Variants in GJA5 observed in about 807,000 individuals in gnomAD.
GJA5 encodes the protein gap junction alpha-5 protein.
Under a neutral mutation model 7.9 loss-of-function variants are expected in GJA5, and 3 were observed. The ratio of observed to expected loss-of-function variants is 0.38; its 90% CI spans 0.17 to 0.99. The LOEUF (loss-of-function observed/expected upper bound fraction) is 0.99, where lower values mean the gene tolerates loss of function less well. Among genes scored for constraint, GJA5 ranks in the 50% least tolerant of loss-of-function variants. The pLI, the probability that GJA5 is intolerant of heterozygous loss-of-function variation, is 0.38. For synonymous variants in GJA5, 193 were observed against 181.0 expected (o/e 1.07, Z -0.53); for missense variants, 390 against 457.9 (o/e 0.85, Z 1.35).
In GJA5 at chr1:147,756,495, A is replaced by G. The variant is rs1553226422; in HGVS notation, c.*1667T>C. ...CACCCAACAATAGCATCCAAGTGTC[A>G]GCAGAGGGCCCAGAGATGGGCAGGT... On this transcript the variant is annotated 3_prime_UTR_variant, in exon 2 of 2. Transcript: ENST00000579774. 1 of 152,250 alleles carries G rather than the reference A, an allele frequency of 6.6e-6. No homozygotes were observed. The highest frequency in any genetic ancestry group is 2.4e-5 in the African/African-American group (1 of 41,468). The allele number at this position is 152,250 out of a possible 1,614,324, so 9.4% of individuals were successfully genotyped here. A position where few individuals can be genotyped will look rare whatever the true frequency, so the allele number is the denominator to read the frequency against.
chr1:147,772,396 C>A (rs587653676), intron 1 of GJA5, among the ~76,000 whole-genome samples: 4 of 152,306 alleles, frequency 2.6e-5, no homozygotes, highest in South Asian at 4.2e-4. Flanking sequence ...CAGCCTTACA[C>A]ACCGTTACTG....
Position 147,758,234 on chromosome 1 carries a change from A to T in GJA5, c.1005T>A (p.His335Gln). ...NGVSPGHRLP[H>Q]GYHSDKRRLS... ...GACGTCGCTTGTCACTATGATAGCC[A>T]TGGGGAAGGCGGTGACCTGGTGAGA... The change falls in exon 2 of 2, where the codon CAT becomes CAA. Residue 335 changes from histidine (H) to glutamine (Q), a missense_variant. Physicochemically the swap from His to Gln is conservative, Grantham distance 24. Transcript: ENST00000579774. 3.7e-6 allele frequency: 6 copies of T among 1,614,110 alleles called. No individual in the cohort carries two copies. Among genetic ancestry groups the T allele is most frequent in the Non-Finnish European group, 5.1e-6 (6 of 1,180,014 alleles).
rs1243557930 is a variant in GJA5 at position 147,757,956 on chromosome 1, T to G, written c.*206A>C. ...ACTGGGTAGAGGGTGGGGAGGGAAC[T>G]GCAGTCTGGGTGGGTTGTCACCTCT... is the stretch of plus-strand genomic sequence containing the variant. On this transcript the variant is annotated 3_prime_UTR_variant, in exon 2 of 2. Transcript: ENST00000579774. 1.7e-6 allele frequency: 1 copy of G among 596,984 alleles called. No individual in the cohort carries two copies. The highest frequency in any genetic ancestry group is 2.8e-5 in the East Asian group (1 of 35,530). 37.0% of individuals were successfully genotyped at this position (596,984 alleles called of 1,614,324 possible). A position where few individuals can be genotyped will look rare whatever the true frequency, so the allele number is the denominator to read the frequency against.
At chr1:147,760,989 CACTT>C (rs1474665726), upstream of GJA5, among the ~76,000 whole-genome samples, 1 of 152,154 alleles carries the variant, frequency 6.6e-6, no homozygotes, top group Non-Finnish European at 1.5e-5. Flanking sequence ...GAGTGAGCCT[CACTT>C]AGCCCCACCG....
Position 147,757,969 on chromosome 1 carries a change from G to A in GJA5, c.*193C>T, listed in dbSNP as rs1296365686. The A allele has an allele frequency of 1.7e-6, 1 of 605,284 alleles. No individual in the cohort carries two copies. The highest frequency in any genetic ancestry group is 2.9e-6 in the Non-Finnish European group (1 of 340,956). 37.5% of individuals were successfully genotyped at this position (605,284 alleles called of 1,614,324 possible). On this transcript the variant is annotated 3_prime_UTR_variant, in exon 2 of 2. Coordinates refer to ENST00000579774, the MANE Select transcript of GJA5 (RefSeq NM_181703.4). ...TGGGGAGGGAACTGCAGTCTGGGTG[G>A]GTTGTCACCTCTCTTACTATCCCAG...
At chr1:147,767,585 A>G (rs1455388956) in intron 1 of GJA5, among the ~76,000 whole-genome samples, 3 of 124,824 alleles carry the variant, frequency 2.4e-5, no homozygotes, top group East Asian at 4.9e-4. Flanking sequence ...TTTTTTAGAG[A>G]TGGGGTTTTG....
rs2148959089 is a variant in GJA5 at position 147,758,672 on chromosome 1, G to C, written c.567C>G (p.Pro189=). 3.7e-6 allele frequency: 6 copies of C among 1,614,216 alleles called. No individual in the cohort carries two copies. The highest frequency in any genetic ancestry group is 5.1e-6 in the Non-Finnish European group (6 of 1,180,030). ...CGTAACAGTTGACCGGGTGGGGACA[G>C]GGACTCCTGCGGCAGACATGCAGGG... ...LTTLHVCRRS[P]CPHPVNCYVS... Residue 189 remains proline (P), a synonymous_variant, in exon 2 of 2, where the codon CCC becomes CCG. Transcript: ENST00000579774.
chr1:147,761,740 A>T (rs1664026353), upstream of GJA5, among the ~76,000 whole-genome samples: 1 of 152,238 alleles, frequency 6.6e-6, no homozygotes, highest in South Asian at 2.1e-4. Context: ...TCTTCTGGGC[A>T]CATGTACAGT....
chr1:147,765,019 C>T (rs1664152715), upstream of GJA5, among the ~76,000 whole-genome samples: 1 of 152,008 alleles, frequency 6.6e-6, no homozygotes, highest in Non-Finnish European at 1.5e-5. Flanking sequence ...AAATGTTTGG[C>T]TAGCAGTAAG....
intron 1 of GJA5, among the ~76,000 whole-genome samples, chr1:147,768,578 T>C (rs1664290382): frequency 6.6e-6 from 1 of 152,204 alleles, no homozygotes; most frequent in African/African-American, 2.4e-5. Flanking sequence ...GTCATAGATT[T>C]ATAGTGCAGT....
chr1:147,758,159 G>T lies in GJA5; in HGVS notation c.*3C>A. On this transcript the variant is annotated 3_prime_UTR_variant, in exon 2 of 2. Transcript: ENST00000579774. Reference sequence around the variant, plus strand: ...CTGGTCCTGATCCTCCCATAAAGGAGGGTCACACTGATAGGTCATCTGACC... The same window carrying T: ...CTGGTCCTGATCCTCCCATAAAGGATGGTCACACTGATAGGTCATCTGACC... 6.3e-7 allele frequency: 1 copy of T among 1,591,154 alleles called. No homozygotes were observed. The highest frequency in any genetic ancestry group is 1.1e-5 in the South Asian group (1 of 90,594).
rs1403364806 is a variant in GJA5, at chr1:147,756,935, G to T, written c.*1227C>A. The T allele has an allele frequency of 6.6e-6, 1 of 152,122 alleles. No homozygotes were observed. Among genetic ancestry groups the T allele is most frequent in the Non-Finnish European group, 1.5e-5 (1 of 68,048 alleles). 9.4% of individuals were successfully genotyped at this position (152,122 alleles called of 1,614,324 possible). ...GAATCTCTGCGCTCTTTAAATAAAG[G>T]CCCTGCCAAGAGAGCTGGAGATTCC... is the stretch of plus-strand genomic sequence containing the variant. On this transcript the variant is annotated 3_prime_UTR_variant, in exon 2 of 2. Transcript: ENST00000579774.
chr1:147,772,789 G>GAAGAA (rs1553229217), intron 1 of GJA5, among the ~76,000 whole-genome samples: 8 of 125,946 alleles, frequency 6.4e-5, no homozygotes, highest in South Asian at 2.7e-4. Context: ...GCCTTAGGGA[G>GAAGAA]AAAAAAAAAA....
chr1:147,766,191 C>T (rs879963371), intron 1 of GJA5, among the ~76,000 whole-genome samples: 5 of 152,264 alleles, frequency 3.3e-5, no homozygotes, highest in Non-Finnish European at 5.9e-5. Flanking sequence ...ACCCTGAGCT[C>T]TTTGAAGACA....
chr1:147,773,195 CT>C (rs1416073715), intron 1 of GJA5: 2 of 152,224 alleles, frequency 1.3e-5, no homozygotes, highest in African/African-American at 4.8e-5. Flanking sequence ...CTCCCTTCCT[CT>C]GGCTACTTCA....
In GJA5 at chr1:147,759,091, C is replaced by A. The variant is rs782167622; in HGVS notation, c.148G>T (p.Ala50Ser). 2 of 1,612,458 alleles carry A rather than the reference C, an allele frequency of 1.2e-6. No individual in the cohort carries two copies. The highest frequency in any genetic ancestry group is 2.2e-5 in the South Asian group (2 of 90,726). The change falls in exon 2 of 2, where the codon GCT (alanine) becomes TCT (serine). Residue 50 changes from alanine to serine, a missense_variant. By Grantham distance (99) the Ala-to-Ser change is moderately conservative. Around this residue, in one of 2 missense-constraint regions of GJA5, gnomAD observed 36 missense variants for 87.1 expected, o/e 0.41. Transcript: ENST00000579774. ...TGAATCGTATCACACCGGAAATCAG[C>A]CTGCTCATCCCCCCAGGAAGACTCA... ...AAESSWGDEQADFRCDTIQPG... is the reference protein window; with the variant it reads ...AAESSWGDEQSDFRCDTIQPG...
At chr1:147,773,014 C>T (rs1192597517) in intron 1 of GJA5, among the ~76,000 whole-genome samples, 1 of 152,122 alleles carries the variant, frequency 6.6e-6, no homozygotes, top group East Asian at 1.9e-4. Flanking sequence ...GCCCTCCACT[C>T]GCAATTCTTC....
At chr1:147,765,012 T>C (rs1553227978), upstream of GJA5, among the ~76,000 whole-genome samples, 3 of 152,126 alleles carry the variant, frequency 2.0e-5, no homozygotes. Flanking sequence ...TTGAAGAAAA[T>C]GTTTGGCTAG....
chr1:147,766,727 C>T (rs943262028), intron 1 of GJA5, among the ~76,000 whole-genome samples: 9 of 152,144 alleles, frequency 5.9e-5, no homozygotes, highest in African/African-American at 1.9e-4. Flanking sequence ...TTCTGGACAA[C>T]GACACATGTT....
Sources: gnomAD v4.1 joint callset for allele counts (sites outside exome capture counted in the v4.1 genomes callset) on GRCh38, gnomAD v4.1.1 for gene constraint, gnomAD v4.1.1 regional missense constraint, MANE v1.5 for transcripts, NCBI Gene and HGNC (gene_info 2026-07-23, HGNC 2026-07-21) for gene names.